The following STK33 variants were observed in gnomAD, a reference collection of about 807,000 sequenced individuals.
STK33 encodes the protein serine/threonine-protein kinase 33.
Under a neutral mutation model 58.0 loss-of-function variants are expected in STK33, and 52 were observed. The ratio of observed to expected loss-of-function variants is 0.90; its 90% CI spans 0.72 to 1.13. The LOEUF is 1.13. Among genes scored for constraint, STK33 ranks in the 50% most tolerant of loss-of-function variants. The pLI, the probability that STK33 is intolerant of heterozygous loss-of-function variation, is 0.00. For missense variants in STK33, 630 were observed against 604.2 expected (o/e 1.04, Z -0.45); for synonymous variants, 215 against 200.1 (o/e 1.07, Z -0.63).
intron 7 of STK33, among the ~76,000 whole-genome samples, chr11:8,462,617 G>C (rs950342643): frequency 1.7e-4 from 25 of 151,242 alleles, no homozygotes; most frequent in Non-Finnish European, 3.4e-4. Flanking sequence ...CAGACAAAGA[G>C]AGACAGAGAC....
chr11:8,434,150 G>A (rs1460015127), intron 14 of STK33: 1 of 165,536 alleles, frequency 6.0e-6, no homozygotes, highest in Non-Finnish European at 1.3e-5. Flanking sequence ...CCAGGAGGCA[G>A]AGGTTGCAGT....
At chr11:8,564,485 AAAGTTTCACCC>A (rs1957320295) in intron 1 of STK33, among the ~76,000 whole-genome samples, 1 of 152,232 alleles carries the variant, frequency 6.6e-6, no homozygotes. Context: ...AAAATAAATC[AAAGTTTCACCC>A]AAGAGATAAA....
downstream of STK33, among the ~76,000 whole-genome samples, chr11:8,388,912 C>CTGACACAA (rs1275734777): frequency 6.6e-6 from 1 of 152,192 alleles, no homozygotes; most frequent in African/African-American, 2.4e-5. Context: ...AGTGACCACC[C>CTGACACAA]AGGTGAATCT....
intron 15 of STK33, among the ~76,000 whole-genome samples, chr11:8,405,212 A>T (rs1021998826): frequency 2.0e-5 from 3 of 152,222 alleles, no homozygotes; most frequent in Admixed American, 2.0e-4. Flanking sequence ...GCAAGGTGGG[A>T]AAATTCCAGT....
At chr11:8,557,121 C>A (rs9704133) in intron 1 of STK33, among the ~76,000 whole-genome samples, 11,843 of 150,676 alleles carry the variant, frequency 0.079, 1,038 homozygotes, top group African/African-American at 0.22. Context: ...CATCATGGTG[C>A]ATGCCTGTGG....
chr11:8,342,447 T>G, the STK33 span, among the ~76,000 whole-genome samples: 1 of 152,248 alleles, frequency 6.6e-6, no homozygotes, highest in Non-Finnish European at 1.5e-5. Flanking sequence ...ACCATCATTT[T>G]GTGACTCTGT....
Position 8,464,825 on chromosome 11 carries a change from G to GTA in STK33, c.340-4_340-3insTA. On this transcript the variant is annotated splice_region_variant and splice_polypyrimidine_tract_variant and intron_variant, in intron 6 of 15. Coordinates refer to ENST00000687296, the MANE Select transcript of STK33 (RefSeq NM_001352389.2). ...ATTCTTCCAAAGGTATAGATTTCCT[G>GTA]GAGAAAAAAAAAAAAAGAGTTGTCT... 1 of 1,541,026 alleles carries GTA rather than the reference G, an allele frequency of 6.5e-7. No individual in the cohort carries two copies. The highest frequency in any genetic ancestry group is 8.8e-7 in the Non-Finnish European group (1 of 1,134,794).
chr11:8,364,059 T>C, the STK33 span, among the ~76,000 whole-genome samples: 1 of 152,192 alleles, frequency 6.6e-6, no homozygotes. Context: ...TTGCGAAATA[T>C]CTCTGGAAGT....
the STK33 span, among the ~76,000 whole-genome samples, chr11:8,358,877 T>A: frequency 6.6e-6 from 1 of 152,198 alleles, no homozygotes; most frequent in Non-Finnish European, 1.5e-5. Context: ...AGAATAAATT[T>A]ACAGTGGAGA....
At chr11:8,425,858 T>C (rs1942660145) in intron 14 of STK33, among the ~76,000 whole-genome samples, 1 of 152,150 alleles carries the variant, frequency 6.6e-6, no homozygotes, top group African/African-American at 2.4e-5. Context: ...GCTCGCTTCT[T>C]CTGTGTCCCG....
At chr11:8,337,521 T>C in the STK33 span, among the ~76,000 whole-genome samples, 2 of 151,944 alleles carry the variant, frequency 1.3e-5, no homozygotes, top group African/African-American at 2.4e-5. Flanking sequence ...GAGCCAGCAC[T>C]TTCTGTGGAG....
chr11:8,546,389 C>A (rs909647463), intron 1 of STK33, among the ~76,000 whole-genome samples: 2 of 152,154 alleles, frequency 1.3e-5, no homozygotes, highest in Non-Finnish European at 2.9e-5. Flanking sequence ...ATGATCAAAT[C>A]AGGGTAATTA....
At chr11:8,542,690 A>C (rs1432087977) in intron 1 of STK33, among the ~76,000 whole-genome samples, 1 of 152,134 alleles carries the variant, frequency 6.6e-6, no homozygotes, top group Non-Finnish European at 1.5e-5. Context: ...TTGCTGAATG[A>C]ATTAATGAAT....
chr11:8,350,669 G>A, the STK33 span, among the ~76,000 whole-genome samples: 1 of 152,160 alleles, frequency 6.6e-6, no homozygotes, highest in Non-Finnish European at 1.5e-5. Flanking sequence ...AAGGGGAAAG[G>A]AAGGACAGGA....
intron 1 of STK33, among the ~76,000 whole-genome samples, chr11:8,587,054 T>C (rs917844053): frequency 1.3e-5 from 2 of 152,106 alleles, no homozygotes; most frequent in Admixed American, 6.5e-5. Context: ...CCTCAGTGAT[T>C]TGTGACAGAC....
intron 1 of STK33, among the ~76,000 whole-genome samples, chr11:8,508,779 T>C (rs888026842): frequency 3.3e-5 from 5 of 150,880 alleles, no homozygotes; most frequent in African/African-American, 9.9e-5. Flanking sequence ...TCTCCCTAAA[T>C]AGGAGCTTGA....
intron 1 of STK33, among the ~76,000 whole-genome samples, chr11:8,489,272 G>GAAAAAAAAAAAAAAAAGA (rs60919146): frequency 8.7e-5 from 11 of 126,540 alleles, no homozygotes; most frequent in Admixed American, 2.6e-4. Context: ...AAAAAAAAAA[G>GAAAAAAAAAAAAAAAAGA]AAAAAAAAAA....
intron 1 of STK33, among the ~76,000 whole-genome samples, chr11:8,512,817 G>A (rs1044430670): frequency 2.0e-4 from 31 of 151,970 alleles, no homozygotes; most frequent in African/African-American, 6.5e-4. Flanking sequence ...ATCAAATTTT[G>A]ACCTTGGCCT....
intron 10 of STK33, 103 bp downstream of exon 10, chr11:8,454,641 G>A: frequency 7.5e-7 from 1 of 1,334,240 alleles, no homozygotes; most frequent in South Asian, 1.5e-5. Context: ...TTATTTTCTG[G>A]CTGCTCAAAA....
Sources: gnomAD v4.1 joint callset for allele counts (sites outside exome capture counted in the v4.1 genomes callset) on GRCh38, gnomAD v4.1.1 for gene constraint, MANE v1.5 for transcripts, NCBI Gene and HGNC (gene_info 2026-07-23, HGNC 2026-07-21) for gene names.